The following C10orf90 variants were observed in gnomAD, a reference collection of about 807,000 sequenced individuals.
The protein encoded by C10orf90 is (E2-independent) E3 ubiquitin-conjugating enzyme FATS.
Under a neutral mutation model 62.5 loss-of-function variants are expected in C10orf90, and 56 were observed. The ratio of observed to expected loss-of-function variants is 0.90; its 90% CI spans 0.72 to 1.12. C10orf90 has a LOEUF of 1.12. Ranked by LOEUF, C10orf90 falls within the 50% of genes most tolerant of loss-of-function variation. The pLI, the probability that C10orf90 is intolerant of heterozygous loss-of-function variation, is 0.00. For synonymous variants in C10orf90, 386 were observed against 340.4 expected (o/e 1.13, Z -1.47); for missense variants, 970 against 880.4 (o/e 1.10, Z -1.29).
At chr10:126,426,174 C>G (rs1857253088) in intron 8 of C10orf90, 84 bp from the exon 9 acceptor site, 1 of 1,099,842 alleles carries the variant, frequency 9.1e-7, no homozygotes, top group African/African-American at 1.6e-5. Flanking sequence ...TGACGGCAGG[C>G]TCTTACATTT....
intron 4 of C10orf90, among the ~76,000 whole-genome samples, chr10:126,493,914 C>T (rs2133847834): frequency 6.6e-6 from 1 of 152,360 alleles, no homozygotes; most frequent in Non-Finnish European, 1.5e-5. Context: ...ATGTACAACA[C>T]TGTGACATTC....
intron 4 of C10orf90, among the ~76,000 whole-genome samples, chr10:126,475,570 A>G (rs1457949632): frequency 1.3e-5 from 2 of 152,150 alleles, no homozygotes; most frequent in African/African-American, 2.4e-5. Flanking sequence ...AACATATACT[A>G]CATTTTCCCC....
At chr10:126,646,723 T>A (rs2133852095) in intron 1 of C10orf90, 86 bp from the exon 2 acceptor site, 1 of 302,486 alleles carries the variant, frequency 3.3e-6, no homozygotes, top group Non-Finnish European at 6.5e-6. Context: ...ATTTTTTTAA[T>A]CAGGAACATC....
chr10:126,428,112 C>G (rs1857365031), intron 8 of C10orf90, among the ~76,000 whole-genome samples: 1 of 152,072 alleles, frequency 6.6e-6, no homozygotes, highest in Non-Finnish European at 1.5e-5. Context: ...AAGGGGCTCA[C>G]AGACATAAAG....
chr10:126,668,562 C>T (rs536804152), intron 1 of C10orf90, among the ~76,000 whole-genome samples: 3 of 152,276 alleles, frequency 2.0e-5, no homozygotes, highest in South Asian at 2.1e-4. Context: ...ATTTTAAAAT[C>T]GGAAATGTTT....
chr10:126,494,592 C>T (rs1049175029), intron 4 of C10orf90, among the ~76,000 whole-genome samples: 1 of 152,214 alleles, frequency 6.6e-6, no homozygotes, highest in African/African-American at 2.4e-5. Context: ...AGGCTCTGCA[C>T]CACACCAAAG....
rs184279649 is a variant in C10orf90 at position 126,642,404 on chromosome 10, C to T, written c.313+4161G>A. ...AAAATTAGCCGGGCGTGGTGGCGGG[C>T]GCCTGTAGTCCCAGCTACTCGGGAG... On this transcript the variant is annotated intron_variant, in intron 2 of 9. Coordinates refer to ENST00000488181, the MANE Select transcript of C10orf90 (RefSeq NM_001350921.2). Among the ~76,000 whole-genome samples, 219 of 152,132 alleles carry T rather than the reference C, an allele frequency of 1.4e-3. 1 individual carries two copies. The Middle Eastern group carries it at 0.031, about 21-fold the overall frequency.
At chr10:126,595,826 C>A (rs768557574) in intron 2 of C10orf90, among the ~76,000 whole-genome samples, 92 of 152,092 alleles carry the variant, frequency 6.0e-4, no homozygotes, top group Non-Finnish European at 9.7e-4. Context: ...TAGCTCAGTA[C>A]CCCACACCCC....
intron 2 of C10orf90, among the ~76,000 whole-genome samples, chr10:126,616,476 A>G (rs1291455583): frequency 1.3e-5 from 2 of 152,186 alleles, no homozygotes; most frequent in East Asian, 3.9e-4. Flanking sequence ...AAATAGCTCC[A>G]GTTGACACTT....
At chr10:126,654,949 C>T (rs1158017126) in intron 1 of C10orf90, among the ~76,000 whole-genome samples, 2 of 152,138 alleles carry the variant, frequency 1.3e-5, no homozygotes, top group African/African-American at 4.8e-5. Flanking sequence ...GAGAGAACAA[C>T]TGGGCTGTTG....
intron 2 of C10orf90, among the ~76,000 whole-genome samples, chr10:126,602,575 C>T: frequency 6.6e-6 from 1 of 152,280 alleles, no homozygotes; most frequent in South Asian, 2.1e-4. Context: ...GTGGGAGCAG[C>T]ACCTGTTTAC....
chr10:126,438,871 C>T (rs1419899772), intron 7 of C10orf90, among the ~76,000 whole-genome samples: 1 of 151,976 alleles, frequency 6.6e-6, no homozygotes, highest in South Asian at 2.1e-4. Context: ...GCCTGAGAAC[C>T]TATACAACTG....
intron 3 of C10orf90, 80 bp downstream of exon 3, chr10:126,513,763 AATCAC>A (rs1863271553): frequency 5.1e-6 from 4 of 790,158 alleles, no homozygotes; most frequent in Non-Finnish European, 8.5e-6. Flanking sequence ...AATAAAATGC[AATCAC>A]ATCACAAGTA....
intron 3 of C10orf90, 33 bp downstream of exon 3, chr10:126,513,815 C>T: frequency 7.2e-7 from 1 of 1,390,168 alleles, no homozygotes. Context: ...GTGCATTTTG[C>T]TGACTATTCT....
At chr10:126,544,750 G>A (rs184420460) in intron 2 of C10orf90, among the ~76,000 whole-genome samples, 1 of 152,170 alleles carries the variant, frequency 6.6e-6, no homozygotes, top group East Asian at 1.9e-4. Context: ...ATAATTCATG[G>A]GCTGGGAGAG....
chr10:126,493,508 C>T (rs141327027), intron 4 of C10orf90, among the ~76,000 whole-genome samples: 173 of 152,070 alleles, frequency 1.1e-3, no homozygotes, highest in Non-Finnish European at 1.9e-3. Flanking sequence ...TTACAGGTGC[C>T]TGCCACCACG....
chr10:126,477,478 T>G (rs1007620311), intron 4 of C10orf90, among the ~76,000 whole-genome samples: 2 of 152,162 alleles, frequency 1.3e-5, no homozygotes, highest in African/African-American at 4.8e-5. Context: ...GCCTTGACAC[T>G]TTTCAAAGAA....
chr10:126,567,820 G>A (rs1243009262), intron 2 of C10orf90, among the ~76,000 whole-genome samples: 1 of 152,162 alleles, frequency 6.6e-6, no homozygotes, highest in Admixed American at 6.5e-5. Context: ...TCTGAGAAGT[G>A]TTTCCAAGGG....
intron 2 of C10orf90, among the ~76,000 whole-genome samples, chr10:126,613,526 A>T (rs958899355): frequency 1.1e-4 from 16 of 152,212 alleles, no homozygotes; most frequent in Admixed American, 3.9e-4. Flanking sequence ...GATTACAGGC[A>T]TGAGCCACCA....
Sources: gnomAD v4.1 joint callset for allele counts (sites outside exome capture counted in the v4.1 genomes callset) on GRCh38, gnomAD v4.1.1 for gene constraint, MANE v1.5 for transcripts, NCBI Gene and HGNC (gene_info 2026-07-23, HGNC 2026-07-21) for gene names.